The following EIF4G3 variants were observed in gnomAD, a reference collection of about 807,000 sequenced individuals.
EIF4G3 encodes the protein eukaryotic translation initiation factor 4 gamma 3, also known as eIF-4-gamma 3.
Under a neutral mutation model 186.4 loss-of-function variants are expected in EIF4G3, and 34 were observed. The ratio of observed to expected loss-of-function variants is 0.18; its 90% confidence interval spans 0.14 to 0.24. The LOEUF is 0.24. EIF4G3 is among the 10% of genes least tolerant of loss of function. EIF4G3 has a pLI of 1.00. For missense variants in EIF4G3, 1,536 were observed against 1,948.5 expected (o/e 0.79, Z 3.99); for synonymous variants, 673 against 679.5 (o/e 0.99, Z 0.15).
At chr1:20,999,246 C>A in intron 6 of EIF4G3, 1 of 274,904 alleles carries the variant, frequency 3.6e-6, no homozygotes, top group Non-Finnish European at 7.4e-6. Flanking sequence ...TATAGTTTTT[C>A]AGAATGATGA....
intron 3 of EIF4G3, among the ~76,000 whole-genome samples, chr1:21,053,457 G>A (rs2094385628): frequency 6.6e-6 from 1 of 150,966 alleles, no homozygotes; most frequent in Non-Finnish European, 1.5e-5. Flanking sequence ...CCCCGTCCGG[G>A]AGGTGAGGGG....
chr1:20,893,741 A>G (rs1178937390), intron 17 of EIF4G3, 105 bp from the exon 18 acceptor site: 1 of 1,323,560 alleles, frequency 7.6e-7, no homozygotes, highest in African/African-American at 1.5e-5. Flanking sequence ...TGAAACGGTA[A>G]GCACCAGCTT....
intron 30 of EIF4G3, among the ~76,000 whole-genome samples, chr1:20,829,718 C>T (rs1483635623): frequency 6.6e-6 from 1 of 152,142 alleles, no homozygotes; most frequent in Non-Finnish European, 1.5e-5. Context: ...CTGTAAAACA[C>T]AAAAATCTGT....
chr1:20,842,743 C>A (rs2069135270), intron 29 of EIF4G3, among the ~76,000 whole-genome samples: 1 of 152,110 alleles, frequency 6.6e-6, no homozygotes, highest in Non-Finnish European at 1.5e-5. Flanking sequence ...CACAGACAGT[C>A]TTAGTTTGTT....
intron 28 of EIF4G3, among the ~76,000 whole-genome samples, chr1:20,850,969 G>C (rs1355814585): frequency 1.3e-5 from 2 of 152,136 alleles, no homozygotes; most frequent in African/African-American, 4.8e-5. Context: ...GTCAAGTGTG[G>C]GATGTTACAG....
At chr1:21,071,253 CAA>C (rs1263814639) in intron 3 of EIF4G3, among the ~76,000 whole-genome samples, 2 of 152,006 alleles carry the variant, frequency 1.3e-5, no homozygotes, top group Non-Finnish European at 2.9e-5. Flanking sequence ...GAAAATGAAA[CAA>C]AACAAAATTA....
rs562746249 is a variant in EIF4G3 at position 20,887,906 on chromosome 1, A to G, written c.2254-1535T>C. On this transcript the variant is annotated intron_variant, in intron 18 of 36. Coordinates refer to ENST00000602326, the MANE Select transcript of EIF4G3 (RefSeq NM_001391906.1). ...TCAAGTTATATTCTAGTGTTGACTT[A>G]TATGGATTAATAACTTACTAAATGG... 2.6e-5 allele frequency among the ~76,000 whole-genome samples: 4 copies of G among 152,338 alleles called. No homozygotes were observed. The South Asian group carries it at 8.3e-4, about 32-fold the overall frequency.
chr1:20,844,143 A>T (rs1383415140), intron 29 of EIF4G3, among the ~76,000 whole-genome samples: 1 of 152,194 alleles, frequency 6.6e-6, no homozygotes, highest in Non-Finnish European at 1.5e-5. Flanking sequence ...TTATAAGAGA[A>T]CAATTTATAT....
Position 20,969,671 on chromosome 1 carries a change from A to G in EIF4G3, c.592-75T>C, listed in dbSNP as rs2075421335. The G allele has an allele frequency of 2.1e-6, 3 of 1,452,988 alleles. No homozygotes were observed. The South Asian group carries it at 3.7e-5, about 18-fold the overall frequency. The allele number at this position is 1,452,988 out of a possible 1,614,324, so 90.0% of individuals were successfully genotyped here. A position where few individuals can be genotyped will look rare whatever the true frequency, so the allele number is the denominator to read the frequency against. ...AAATTTATAGGCATATAAGTGAGTT[A>G]AAGGTGCAAACTGGGAAACCTGTCA... On this transcript the variant is annotated intron_variant, in intron 11 of 36. Coordinates refer to ENST00000602326, the MANE Select transcript of EIF4G3 (RefSeq NM_001391906.1).
At chr1:20,958,270 T>C (rs950922316) in intron 12 of EIF4G3, among the ~76,000 whole-genome samples, 4 of 151,976 alleles carry the variant, frequency 2.6e-5, no homozygotes, top group East Asian at 3.9e-4. Context: ...ATGTGATACA[T>C]CACATAAAAA....
At chr1:21,151,977 G>A (rs1277931480) in intron 2 of EIF4G3, among the ~76,000 whole-genome samples, 3 of 152,070 alleles carry the variant, frequency 2.0e-5, no homozygotes, top group Non-Finnish European at 2.9e-5. Flanking sequence ...TAAGCCTAGG[G>A]AAAAAGTGAA....
At position 20,981,082 on chromosome 1, in the gene EIF4G3, G is replaced by T. The variant is rs376563770; in HGVS notation, c.344C>A (p.Pro115Gln). ...ACAGTACTGAGGCCCCTGGGGCACT[G>T]GGTACGGCATGGGCAGATGGTTAAC... ...MMVNHLPMPY[P>Q]VPQGPQYCIP... Residue 115 changes from proline to glutamine, a missense_variant, in exon 9 of 37, where the codon CCA becomes CAA. Physicochemically the swap from Pro to Gln is moderately conservative, Grantham distance 76. Coordinates refer to ENST00000602326, the MANE Select transcript of EIF4G3 (RefSeq NM_001391906.1). 6.2e-7 allele frequency: 1 copy of T among 1,612,716 alleles called. No homozygotes were observed. Among genetic ancestry groups the T allele is most frequent in the Non-Finnish European group, 8.5e-7 (1 of 1,179,194 alleles).
rs556076067 is a variant in EIF4G3, at chr1:20,945,257, G to A, written c.824-2927C>T. Among the ~76,000 whole-genome samples the A allele has an allele frequency of 2.6e-5, 4 of 152,072 alleles. No homozygotes were observed. The East Asian group carries it at 7.7e-4, about 29-fold the overall frequency. On this transcript the variant is annotated intron_variant, in intron 13 of 36. Coordinates refer to ENST00000602326, the MANE Select transcript of EIF4G3 (RefSeq NM_001391906.1). ...GAATTTTTCTAATAATCATGAAAGG[G>A]TTAGCAAAGATAGATGTCTAGAATA... is the stretch of plus-strand genomic sequence containing the variant.
intron 4 of EIF4G3, among the ~76,000 whole-genome samples, chr1:21,007,536 AACAC>A (rs1491081027): frequency 4.5e-5 from 4 of 88,844 alleles, no homozygotes; most frequent in Non-Finnish European, 7.1e-5. Flanking sequence ...AAAAAAAAAA[AACAC>A]ACTCAAAAAC....
intron 3 of EIF4G3, among the ~76,000 whole-genome samples, chr1:21,070,372 T>C (rs1199316261): frequency 6.6e-6 from 1 of 152,218 alleles, no homozygotes; most frequent in Non-Finnish European, 1.5e-5. Flanking sequence ...TGATTAATAC[T>C]CTGAAGCACA....
intron 17 of EIF4G3, among the ~76,000 whole-genome samples, chr1:20,894,859 T>C (rs958613094): frequency 3.9e-5 from 6 of 152,216 alleles, no homozygotes; most frequent in Non-Finnish European, 8.8e-5. Context: ...AGAGGAAGGA[T>C]GCCTATTTGC....
intron 30 of EIF4G3, among the ~76,000 whole-genome samples, chr1:20,831,859 T>C (rs570200006): frequency 2.1e-5 from 3 of 144,806 alleles, no homozygotes; most frequent in African/African-American, 5.1e-5. Flanking sequence ...ATATGCGGTG[T>C]TTGGTTTTTT....
intron 16 of EIF4G3, among the ~76,000 whole-genome samples, chr1:20,897,023 T>C (rs2088441850): frequency 6.6e-6 from 1 of 152,110 alleles, no homozygotes; most frequent in Admixed American, 6.6e-5. Flanking sequence ...TCAGAACAAA[T>C]CACCGTCATT....
intron 20 of EIF4G3, among the ~76,000 whole-genome samples, chr1:20,871,831 C>CT (rs930952702): frequency 2.2e-4 from 33 of 148,986 alleles, no homozygotes; most frequent in Admixed American, 4.0e-4. Context: ...TTTTCTCTGT[C>CT]TTTTTTTTTT....
Sources: gnomAD v4.1 joint callset for allele counts (sites outside exome capture counted in the v4.1 genomes callset) on GRCh38, gnomAD v4.1.1 for gene constraint, MANE v1.5 for transcripts, NCBI Gene and HGNC (gene_info 2026-07-23, HGNC 2026-07-21) for gene names.